The following LINGO2 variants were observed in gnomAD, a reference collection of about 807,000 sequenced individuals.
LINGO2 encodes the protein leucine-rich repeat and immunoglobulin-like domain-containing nogo receptor-interacting protein 2.
In LINGO2, 14 loss-of-function variants were observed where a neutral mutation model predicts 30.6. The observed-to-expected ratio is 0.46, with a 90% CI of 0.30 to 0.72. The LOEUF (loss-of-function observed/expected upper bound fraction) is 0.72. Among genes scored for constraint, LINGO2 ranks in the 30% least tolerant of loss-of-function variants. The pLI is 0.07. For missense variants in LINGO2, 729 were observed against 751.7 expected (o/e 0.97, Z 0.35); for synonymous variants, 317 against 288.5 (o/e 1.10, Z -1.00).
At chr9:29,005,889 A>C in the LINGO2 span, among the ~76,000 whole-genome samples, 1 of 151,790 alleles carries the variant, frequency 6.6e-6, no homozygotes, top group South Asian at 2.1e-4. Context: ...TTATTGTTGT[A>C]TTTTTATTTT....
At chr9:28,196,620 G>C (rs182302827) in intron 4 of LINGO2, among the ~76,000 whole-genome samples, 4 of 151,910 alleles carry the variant, frequency 2.6e-5, no homozygotes, top group Non-Finnish European at 4.4e-5. Flanking sequence ...ATGCAAAATT[G>C]TGCCATTTTT....
the LINGO2 span, among the ~76,000 whole-genome samples, chr9:28,699,703 T>C: frequency 6.6e-6 from 1 of 151,976 alleles, no homozygotes; most frequent in Non-Finnish European, 1.5e-5. Flanking sequence ...TAAATTCTTT[T>C]CCTAGGAAGG....
At chr9:28,871,165 T>G in the LINGO2 span, among the ~76,000 whole-genome samples, 1 of 151,706 alleles carries the variant, frequency 6.6e-6, no homozygotes, top group African/African-American at 2.4e-5. Context: ...TATAATTCAA[T>G]ATTGCTATGT....
At chr9:28,366,152 A>G (rs1403552796) in intron 3 of LINGO2, among the ~76,000 whole-genome samples, 1 of 152,164 alleles carries the variant, frequency 6.6e-6, no homozygotes, top group Non-Finnish European at 1.5e-5. Flanking sequence ...TTGCTACCAT[A>G]TTAGTAACTA....
At chr9:29,207,803 T>C in the LINGO2 span, among the ~76,000 whole-genome samples, 3 of 152,008 alleles carry the variant, frequency 2.0e-5, no homozygotes, top group Non-Finnish European at 4.4e-5. Flanking sequence ...CATTAACTAG[T>C]GAATACATTT....
chr9:28,419,911 A>T (rs547862723), intron 2 of LINGO2, among the ~76,000 whole-genome samples: 2 of 152,210 alleles, frequency 1.3e-5, no homozygotes, highest in East Asian at 3.9e-4. Context: ...AAAGGTTGGC[A>T]AATTATAATT....
rs117528867 is a variant in LINGO2 at position 28,018,073 on chromosome 9, C to T, written c.-86-5668G>A. Among the ~76,000 whole-genome samples, 94 of 152,124 alleles carry T rather than the reference C, an allele frequency of 6.2e-4. 1 individual carries two copies. In the East Asian group the frequency reaches 0.016, roughly 27 times the overall value. ...ATGCCATATGCCTACAATCATCTGA[C>T]CTTTGACAAAGTCAACAAAAGCAAG... On this transcript the variant is annotated intron_variant, in intron 4 of 5. Coordinates refer to ENST00000379992, the Ensembl canonical transcript of LINGO2.
At chr9:28,015,803 T>C (rs1332151884) in intron 4 of LINGO2, among the ~76,000 whole-genome samples, 1 of 152,084 alleles carries the variant, frequency 6.6e-6, no homozygotes, top group African/African-American at 2.4e-5. Context: ...ATGTTAATAA[T>C]TTTTAGTTAT....
chr9:28,674,788 A>G (rs1588056690), upstream of LINGO2, among the ~76,000 whole-genome samples: 1 of 152,178 alleles, frequency 6.6e-6, no homozygotes, highest in East Asian at 1.9e-4. Flanking sequence ...ATCATGGTCA[A>G]AAGGTCTGGC....
At chr9:29,021,276 G>A in the LINGO2 span, among the ~76,000 whole-genome samples, 1 of 152,182 alleles carries the variant, frequency 6.6e-6, no homozygotes, top group South Asian at 2.1e-4. Context: ...GGGAAGAAGG[G>A]TATTTGAATG....
At chr9:28,951,489 G>A in the LINGO2 span, among the ~76,000 whole-genome samples, 93 of 152,078 alleles carry the variant, frequency 6.1e-4, 1 homozygote, top group African/African-American at 2.1e-3. Flanking sequence ...CCCTGTCAGC[G>A]GCAGTCATTT....
intron 1 of LINGO2, among the ~76,000 whole-genome samples, chr9:28,638,313 T>C (rs1827387637): frequency 6.6e-6 from 1 of 152,212 alleles, no homozygotes; most frequent in South Asian, 2.1e-4. Flanking sequence ...CGCTTTGTTA[T>C]CAGGATGATG....
the LINGO2 span, among the ~76,000 whole-genome samples, chr9:28,714,086 G>C: frequency 4.6e-5 from 7 of 151,360 alleles, no homozygotes; most frequent in Admixed American, 2.6e-4. Flanking sequence ...TTGAACCTGG[G>C]AGGTGGAGGT....
At chr9:28,506,507 T>C (rs193051022) in intron 1 of LINGO2, among the ~76,000 whole-genome samples, 1 of 38,798 alleles carries the variant, frequency 2.6e-5, no homozygotes, top group African/African-American at 8.9e-5. Flanking sequence ...CACACAGACA[T>C]ATATATATAT....
At chr9:28,807,992 T>C in the LINGO2 span, among the ~76,000 whole-genome samples, 1 of 152,216 alleles carries the variant, frequency 6.6e-6, no homozygotes, top group African/African-American at 2.4e-5. Context: ...TTATTTACAA[T>C]AATATCATGA....
the LINGO2 span, among the ~76,000 whole-genome samples, chr9:29,201,090 T>C: frequency 6.6e-6 from 1 of 152,038 alleles, no homozygotes; most frequent in Non-Finnish European, 1.5e-5. Flanking sequence ...TAACATTACT[T>C]TTTCCTCCTC....
intron 4 of LINGO2, among the ~76,000 whole-genome samples, chr9:28,110,759 G>T (rs987445680): frequency 2.0e-5 from 3 of 152,174 alleles, no homozygotes; most frequent in Non-Finnish European, 4.4e-5. Context: ...AGGCTGTGGA[G>T]AAATAAGAAT....
intron 1 of LINGO2, among the ~76,000 whole-genome samples, chr9:28,630,032 T>C (rs1332394583): frequency 6.6e-6 from 1 of 151,514 alleles, no homozygotes; most frequent in African/African-American, 2.4e-5. Flanking sequence ...GTTTGGTTTT[T>C]GTTCTTGGGA....
chr9:28,878,486 T>C, the LINGO2 span, among the ~76,000 whole-genome samples: 1 of 152,182 alleles, frequency 6.6e-6, no homozygotes, highest in Admixed American at 6.6e-5. Context: ...AAACTCATTT[T>C]ATGAGGCCAG....
Sources: gnomAD v4.1 joint callset for allele counts (sites outside exome capture counted in the v4.1 genomes callset) on GRCh38, gnomAD v4.1.1 for gene constraint, MANE v1.5 for transcripts, NCBI Gene and HGNC (gene_info 2026-07-23, HGNC 2026-07-21) for gene names.